NEO1: variants seen among roughly 807,000 people sequenced by gnomAD.
NEO1 encodes the protein neogenin.
In NEO1, 63 loss-of-function variants were observed where a neutral mutation model predicts 159.7. The ratio of observed to expected loss-of-function variants is 0.39; its 90% CI spans 0.32 to 0.49. The LOEUF (loss-of-function observed/expected upper bound fraction) is 0.49. Ranked by LOEUF, NEO1 falls within the 20% of genes least tolerant of loss-of-function variation. The pLI, the probability that NEO1 is intolerant of heterozygous loss-of-function variation, is 0.85. For missense variants in NEO1, 1,615 were observed against 1,831.0 expected (o/e 0.88, Z 2.15); for synonymous variants, 633 against 662.0 (o/e 0.96, Z 0.67).
rs903673510 is a variant in NEO1 at position 73,138,563 on chromosome 15, C to T, written c.1015+2536C>T. Among the ~76,000 whole-genome samples, 8 of 151,910 alleles carry T rather than the reference C, an allele frequency of 5.3e-5. 1 individual carries two copies. The highest frequency in any genetic ancestry group is 3.9e-4 in the East Asian group (2 of 5,134). ...CGAGGTCAGGAGATCGAGATCATCCCGGCTAAAACGGTGAAACCCCGTCTC... is the reference window on the plus strand; with the variant it reads ...CGAGGTCAGGAGATCGAGATCATCCTGGCTAAAACGGTGAAACCCCGTCTC... On this transcript the variant is annotated intron_variant, in intron 5 of 28. Transcript: ENST00000261908.
intron 7 of NEO1, among the ~76,000 whole-genome samples, chr15:73,212,042 C>T (rs532788894): frequency 2.3e-4 from 35 of 152,204 alleles, no homozygotes; most frequent in African/African-American, 5.8e-4. Context: ...TCAATACATT[C>T]GTATCGGGGT....
At chr15:73,155,622 G>A (rs1044577436) in intron 5 of NEO1, among the ~76,000 whole-genome samples, 7 of 152,136 alleles carry the variant, frequency 4.6e-5, no homozygotes, top group African/African-American at 1.4e-4. Context: ...GTCACTTTAT[G>A]TAGTCACAAA....
At chr15:73,125,367 C>T (rs544006750) in intron 3 of NEO1, among the ~76,000 whole-genome samples, 1 of 152,300 alleles carries the variant, frequency 6.6e-6, no homozygotes, top group Admixed American at 6.5e-5. Context: ...GTGACTCCAC[C>T]ATTAGTTGGC....
chr15:73,173,258 T>A (rs1458669062), intron 5 of NEO1, among the ~76,000 whole-genome samples: 1 of 151,990 alleles, frequency 6.6e-6, no homozygotes, highest in African/African-American at 2.4e-5. Flanking sequence ...ATCTGGGGAG[T>A]GGAACACTAA....
chr15:73,175,942 G>A (rs2035259223), intron 5 of NEO1, among the ~76,000 whole-genome samples: 1 of 152,088 alleles, frequency 6.6e-6, no homozygotes, highest in African/African-American at 2.4e-5. Flanking sequence ...TGAGTGAGCT[G>A]TTTAAGGACT....
intron 5 of NEO1, among the ~76,000 whole-genome samples, chr15:73,152,619 C>T (rs2033463166): frequency 6.6e-6 from 1 of 152,172 alleles, no homozygotes; most frequent in South Asian, 2.1e-4. Flanking sequence ...TCCTGGGAAC[C>T]TCCACTTGAA....
intron 8 of NEO1, among the ~76,000 whole-genome samples, chr15:73,241,173 A>C (rs1407019062): frequency 1.3e-5 from 2 of 152,090 alleles, no homozygotes; most frequent in Non-Finnish European, 2.9e-5. Flanking sequence ...AGCTATGAAA[A>C]TTTCATCTTT....
At chr15:73,283,143 T>G in intron 23 of NEO1, 32 bp downstream of exon 23, 1 of 1,612,264 alleles carries the variant, frequency 6.2e-7, no homozygotes, top group Non-Finnish European at 8.5e-7. Flanking sequence ...CCTTAGATTT[T>G]TGGCATCTTA....
At chr15:73,259,031 C>T (rs2040495757) in intron 14 of NEO1, 155 bp downstream of exon 14, 2 of 613,632 alleles carry the variant, frequency 3.3e-6, no homozygotes, top group African/African-American at 1.8e-5. Flanking sequence ...ATCGAGGCTG[C>T]TGGAATGGAT....
chr15:73,090,448 A>T (rs1013621450), intron 1 of NEO1, among the ~76,000 whole-genome samples: 1 of 152,186 alleles, frequency 6.6e-6, no homozygotes, highest in Non-Finnish European at 1.5e-5. Flanking sequence ...GTCTGGAAGG[A>T]TTCATACTAA....
At position 73,122,667 on chromosome 15, in the gene NEO1, A is replaced by T; in HGVS notation, c.591A>T (p.Arg197Ser). The T allele has an allele frequency of 6.2e-7, 1 of 1,614,142 alleles. No homozygotes were observed. Among genetic ancestry groups the T allele is most frequent in the Non-Finnish European group, 8.5e-7 (1 of 1,180,026 alleles). The change falls in exon 3 of 29, where the codon AGA (arginine) becomes AGT (serine). Residue 197 changes from arginine to serine, a missense_variant. Coordinates refer to ENST00000261908, the MANE Select transcript of NEO1 (RefSeq NM_002499.4). ...QNRQPLLLDDRVIKLPSGMLV... is the reference protein window; with the variant it reads ...QNRQPLLLDDSVIKLPSGMLV... ...GACAACCCCTTCTTCTGGATGATAG[A>T]GTTATCAAACTTCCAAGTGGAATGC...
intron 7 of NEO1, among the ~76,000 whole-genome samples, chr15:73,188,107 T>A (rs1038971353): frequency 1.3e-5 from 2 of 152,144 alleles, no homozygotes; most frequent in Non-Finnish European, 2.9e-5. Context: ...GTTTGTAGAC[T>A]CTTAACTTCT....
chr15:73,206,146 A>G (rs532944279), intron 7 of NEO1, among the ~76,000 whole-genome samples: 21 of 152,234 alleles, frequency 1.4e-4, no homozygotes, highest in African/African-American at 1.9e-4. Flanking sequence ...AGCTCAAGCA[A>G]TCTGCCCACC....
At chr15:73,163,972 G>C (rs185087607) in intron 5 of NEO1, among the ~76,000 whole-genome samples, 2 of 151,690 alleles carry the variant, frequency 1.3e-5, no homozygotes, top group East Asian at 3.9e-4. Flanking sequence ...GCCGGTGGTG[G>C]ATTTCTCCAA....
At chr15:73,242,195 C>G (rs1312094967) in intron 8 of NEO1, among the ~76,000 whole-genome samples, 1 of 152,110 alleles carries the variant, frequency 6.6e-6, no homozygotes, top group African/African-American at 2.4e-5. Context: ...CTCAGAGAGC[C>G]TTTAGTTTAG....
chr15:73,052,602 A>C lies in NEO1; in HGVS notation c.-74A>C. The C allele has an allele frequency of 1.0e-6, 1 of 977,762 alleles. No homozygotes were observed. Among genetic ancestry groups the C allele is most frequent in the South Asian group, 3.4e-5 (1 of 29,840 alleles). 60.6% of individuals were successfully genotyped at this position (977,762 alleles called of 1,614,324 possible). Reference sequence around the variant, plus strand: ...CGAGCTTGCAGCGAGGGACCGGCTGAGGCGCGCGGGAGGGAAGGAGGCAAG... The same window carrying C: ...CGAGCTTGCAGCGAGGGACCGGCTGCGGCGCGCGGGAGGGAAGGAGGCAAG... On this transcript the variant is annotated 5_prime_UTR_variant, in exon 1 of 29. Coordinates refer to ENST00000261908, the MANE Select transcript of NEO1 (RefSeq NM_002499.4).
intron 1 of NEO1, among the ~76,000 whole-genome samples, chr15:73,073,816 G>A (rs1414610256): frequency 4.6e-5 from 7 of 152,118 alleles, no homozygotes; most frequent in Non-Finnish European, 8.8e-5. Flanking sequence ...CATACTAGGA[G>A]ATTTAACAGG....
chr15:73,258,623 C>T lies in NEO1; in HGVS notation c.2093-143C>T, dbSNP rs915009629. ...ACTCTATGTTGTATTTGCATTTTGC[C>T]TACACTGTATTAACTTAAACTGAAA... On this transcript the variant is annotated intron_variant, in intron 13 of 28. Coordinates refer to ENST00000261908, the MANE Select transcript of NEO1 (RefSeq NM_002499.4). The T allele has an allele frequency of 2.3e-5, 14 of 617,258 alleles. 1 individual carries two copies. The highest frequency in any genetic ancestry group is 4.0e-5 in the Non-Finnish European group (14 of 349,218). 38.2% of individuals were successfully genotyped at this position (617,258 alleles called of 1,614,324 possible).
At chr15:73,288,247 C>G (rs751819486) in intron 23 of NEO1, 66 bp from the exon 24 acceptor site, 9 of 1,486,294 alleles carry the variant, frequency 6.1e-6, no homozygotes, top group South Asian at 2.4e-5. Flanking sequence ...TTTAATCACT[C>G]AAGCCTTTTG....
Sources: gnomAD v4.1 joint callset for allele counts (sites outside exome capture counted in the v4.1 genomes callset) on GRCh38, gnomAD v4.1.1 for gene constraint, MANE v1.5 for transcripts, NCBI Gene and HGNC (gene_info 2026-07-23, HGNC 2026-07-21) for gene names.